The following OAT variants were observed in gnomAD, a reference collection of about 807,000 sequenced individuals.
The protein encoded by OAT is ornithine aminotransferase, mitochondrial.
Under a neutral mutation model 48.4 loss-of-function variants are expected in OAT, and 35 were observed. That is an observed-to-expected ratio of 0.72 (90% CI 0.55 to 0.96). OAT has a LOEUF of 0.96. Ranked by LOEUF, OAT falls within the 40% of genes least tolerant of loss-of-function variation. OAT has a pLI of 0.00. For synonymous variants in OAT, 182 were observed against 198.4 expected (o/e 0.92, Z 0.70); for missense variants, 438 against 537.9 (o/e 0.81, Z 1.84).
At chr10:124,400,543 A>G (rs1036552109) in intron 9 of OAT, among the ~76,000 whole-genome samples, 1 of 151,832 alleles carries the variant, frequency 6.6e-6, no homozygotes, top group African/African-American at 2.4e-5. Context: ...TCACGAGGTC[A>G]GGAGTTTGAG....
chr10:124,402,413 C>T (rs1951438862), intron 7 of OAT, among the ~76,000 whole-genome samples: 1 of 152,188 alleles, frequency 6.6e-6, no homozygotes, highest in Non-Finnish European at 1.5e-5. Flanking sequence ...AGATGAAATG[C>T]TTTGTTTAAA....
At chr10:124,404,425 G>A (rs1589703573) in intron 5 of OAT, among the ~76,000 whole-genome samples, 5 of 151,846 alleles carry the variant, frequency 3.3e-5, no homozygotes, top group African/African-American at 2.4e-5. Context: ...ACAGCACCAC[G>A]CCCAGCTAAT....
chr10:124,403,984 C>A, intron 5 of OAT, 64 bp from the exon 6 acceptor site: 1 of 1,585,478 alleles, frequency 6.3e-7, no homozygotes, highest in Non-Finnish European at 8.7e-7. Context: ...AATCTGAAAG[C>A]ATATACCACA....
chr10:124,406,149 C>T (rs933921944), intron 4 of OAT: 1 of 981,208 alleles, frequency 1.0e-6, no homozygotes, highest in African/African-American at 1.8e-5. Context: ...ATTTTTTATC[C>T]ATTAATAAAG....
In OAT at chr10:124,412,086, G is replaced by A; in HGVS notation, c.86C>T (p.Ala29Val). ...HSSVASATSV[A>V]TKKTVQGPPT... ...AGGGCCTTGGACTGTTTTTTTAGTT[G>A]CAACAGATGTAGCAGAAGCCACTGA... Residue 29 changes from alanine (A) to valine (V), a missense_variant, in exon 2 of 10, where the codon GCA becomes GTA. Physicochemically the swap from Ala to Val is moderately conservative, Grantham distance 64 (BLOSUM62 0). Coordinates refer to ENST00000368845, the MANE Select transcript of OAT (RefSeq NM_000274.4). 6.2e-7 allele frequency: 1 copy of A among 1,614,058 alleles called. No homozygotes were observed. Among genetic ancestry groups the A allele is most frequent in the African/African-American group, 1.3e-5 (1 of 75,030 alleles).
chr10:124,408,331 ATATATATATATATTTT>A (rs1247601187), intron 4 of OAT, among the ~76,000 whole-genome samples, 195 bp downstream of exon 4: 1 of 92,146 alleles, frequency 1.1e-5, no homozygotes, highest in Non-Finnish European at 2.1e-5. Context: ...ATATATATAT[ATATATATATATATTTT>A]TTTTTTTTTT....
chr10:124,411,892 T>C, intron 2 of OAT, 81 bp downstream of exon 2: 5 of 1,191,450 alleles, frequency 4.2e-6, no homozygotes, highest in Non-Finnish European at 6.3e-6. Context: ...TAGAAAAATG[T>C]ATATTGTGAA....
intron 6 of OAT, 61 bp downstream of exon 6, chr10:124,403,737 A>C: frequency 6.2e-7 from 1 of 1,608,988 alleles, no homozygotes; most frequent in East Asian, 2.2e-5. Context: ...GAGCCCATTC[A>C]GCCTCATCAC....
intron 1 of OAT, among the ~76,000 whole-genome samples, chr10:124,416,798 A>G (rs1196695784): frequency 2.0e-5 from 3 of 152,192 alleles, no homozygotes; most frequent in Non-Finnish European, 4.4e-5. Context: ...CTTGAGGAGT[A>G]AATTTGTTCT....
Position 124,408,284 on chromosome 10 carries a change from A to AGTGTGT in OAT, c.520+252_520+257dup, listed in dbSNP as rs71026082. On this transcript the variant is annotated intron_variant, in intron 4 of 9. Coordinates refer to ENST00000368845, the MANE Select transcript of OAT (RefSeq NM_000274.4). The stretch of plus-strand genomic sequence containing the variant: ...ATGTTTTTTATATATAAAATATATA[A>AGTGTGT]GTGTGTGTGTGTGTGTGTGTGTGTG... Among the ~76,000 whole-genome samples, 449 of 81,230 alleles carry AGTGTGT rather than the reference A, an allele frequency of 5.5e-3. 4 individuals carry two copies. The highest frequency in any genetic ancestry group is 0.015 in the African/African-American group (365 of 24,898). The allele number at this position is 81,230 out of a possible 152,430, so 53.3% of individuals were successfully genotyped here.
At chr10:124,412,334 G>C (rs534157328) in intron 1 of OAT, 134 bp from the exon 2 acceptor site, 51 of 683,286 alleles carry the variant, frequency 7.5e-5, no homozygotes, top group Non-Finnish European at 1.2e-4. Flanking sequence ...AACAGAGCAA[G>C]ACTCCATCAC....
At chr10:124,411,463 G>T (rs902569322) in intron 2 of OAT, among the ~76,000 whole-genome samples, 14 of 152,112 alleles carry the variant, frequency 9.2e-5, no homozygotes, top group Non-Finnish European at 2.1e-4. Context: ...ACATGACAAA[G>T]ACAATGGTTC....
intron 5 of OAT, among the ~76,000 whole-genome samples, chr10:124,404,617 C>T (rs1951520152): frequency 6.6e-6 from 1 of 151,872 alleles, no homozygotes; most frequent in Admixed American, 6.6e-5. Context: ...TAGAGACAGG[C>T]TCTCCCTATG....
chr10:124,401,903 C>T, intron 7 of OAT, 64 bp from the exon 8 acceptor site: 2 of 1,213,816 alleles, frequency 1.6e-6, no homozygotes, highest in Non-Finnish European at 2.4e-6. Context: ...GCATCCTTTT[C>T]CCCAGAGTCT....
chr10:124,400,564 C>G (rs995360389), intron 9 of OAT, among the ~76,000 whole-genome samples: 46 of 151,822 alleles, frequency 3.0e-4, no homozygotes, highest in African/African-American at 1.0e-3. Context: ...ATCAGCCTGG[C>G]CAACATTATG....
intron 5 of OAT, among the ~76,000 whole-genome samples, chr10:124,405,041 C>T (rs1181780948): frequency 1.3e-5 from 2 of 151,938 alleles, no homozygotes; most frequent in Non-Finnish European, 1.5e-5. Flanking sequence ...GAGACTCTGT[C>T]TCAAAAAAAG....
chr10:124,406,077 C>T, intron 4 of OAT: 1 of 1,029,116 alleles, frequency 9.7e-7, no homozygotes, highest in Non-Finnish European at 1.2e-6. Flanking sequence ...TCCATTTTAC[C>T]TTCCTTGATA....
chr10:124,415,915 T>C (rs921015456), intron 1 of OAT, among the ~76,000 whole-genome samples: 2 of 152,316 alleles, frequency 1.3e-5, no homozygotes, highest in Admixed American at 6.5e-5. Context: ...AGTGCCATGA[T>C]TTATTTTTAA....
At chr10:124,402,848 C>T in intron 7 of OAT, 79 bp downstream of exon 7, 2 of 1,563,000 alleles carry the variant, frequency 1.3e-6, no homozygotes, top group Non-Finnish European at 1.8e-6. Flanking sequence ...ATTGTTGTCA[C>T]AATCAGTTGA....
Sources: gnomAD v4.1 joint callset for allele counts (sites outside exome capture counted in the v4.1 genomes callset) on GRCh38, gnomAD v4.1.1 for gene constraint, MANE v1.5 for transcripts, NCBI Gene and HGNC (gene_info 2026-07-23, HGNC 2026-07-21) for gene names.